UQCRFS1: variants seen among roughly 807,000 people sequenced by gnomAD.
UQCRFS1 encodes the protein cytochrome b-c1 complex subunit Rieske, mitochondrial.
A neutral mutation model predicts 15.6 loss-of-function variants in UQCRFS1; 6 were observed. The ratio of observed to expected loss-of-function variants is 0.38; its 90% CI spans 0.21 to 0.76. The LOEUF (loss-of-function observed/expected upper bound fraction) is 0.76. Among genes scored for constraint, UQCRFS1 ranks in the 30% least tolerant of loss-of-function variants. The probability of loss-of-function intolerance (pLI) is 0.44; values close to 1 mark genes in which losing one functional copy is unlikely to be tolerated. For missense variants in UQCRFS1, 203 were observed against 366.7 expected (o/e 0.55, Z 3.65); for synonymous variants, 105 against 154.3 (o/e 0.68, Z 2.37).
At chr19:29,210,282 T>C (rs1251044488) in intron 1 of UQCRFS1, among the ~76,000 whole-genome samples, 1 of 152,162 alleles carries the variant, frequency 6.6e-6, no homozygotes, top group Non-Finnish European at 1.5e-5. Context: ...CTGAAATGAT[T>C]ACAGAAAAGG....
intron 1 of UQCRFS1, among the ~76,000 whole-genome samples, chr19:29,211,156 C>T (rs1976641879): frequency 6.9e-6 from 1 of 145,440 alleles, no homozygotes; most frequent in Admixed American, 7.0e-5. Context: ...TATCCAGAAT[C>T]TACAATGAAC....
chr19:29,210,274 GA>G (rs1426605998), intron 1 of UQCRFS1, among the ~76,000 whole-genome samples: 1 of 152,108 alleles, frequency 6.6e-6, no homozygotes, highest in Non-Finnish European at 1.5e-5. Flanking sequence ...ATTACAGGCT[GA>G]AATGATTACA....
At position 29,213,086 on chromosome 19, in the gene UQCRFS1, G is replaced by A. The variant is rs1318154302; in HGVS notation, c.33C>T (p.Phe11=). 6.7e-7 allele frequency: 1 copy of A among 1,498,952 alleles called. No individual in the cohort carries two copies. The highest frequency in any genetic ancestry group is 8.8e-7 in the Non-Finnish European group (1 of 1,132,370). 92.9% of individuals were successfully genotyped at this position (1,498,952 alleles called of 1,614,324 possible). The change falls in exon 1 of 2, where the codon TTC becomes TTT. Residue 11 remains phenylalanine (F), a synonymous_variant. Transcript: ENST00000304863. ...GGGACGTGGCCGACAGGACGGGCGC[G>A]AACGGGCCTGAGCGGGATGCTACCG... MLSVASRSGP[F]APVLSATSRG...
At chr19:29,209,957 A>C (rs768051608) in intron 1 of UQCRFS1, among the ~76,000 whole-genome samples, 1 of 152,190 alleles carries the variant, frequency 6.6e-6, no homozygotes, top group African/African-American at 2.4e-5. Flanking sequence ...TCCTTTCGGA[A>C]ATTAAACTGC....
At chr19:29,211,636 G>A (rs189575262) in intron 1 of UQCRFS1, among the ~76,000 whole-genome samples, 4 of 152,346 alleles carry the variant, frequency 2.6e-5, no homozygotes, top group Admixed American at 2.0e-4. Context: ...TAAAGTGTAT[G>A]TGCTACAGAG....
intron 1 of UQCRFS1, among the ~76,000 whole-genome samples, chr19:29,211,992 C>G (rs905620363): frequency 3.3e-5 from 5 of 152,174 alleles, no homozygotes; most frequent in Non-Finnish European, 7.3e-5. Context: ...AACTAGATCC[C>G]AGTATTACCG....
At chr19:29,209,622 G>A (rs1395153011) in intron 1 of UQCRFS1, among the ~76,000 whole-genome samples, 2 of 152,144 alleles carry the variant, frequency 1.3e-5, no homozygotes, top group Admixed American at 1.3e-4. Context: ...TGGAGTCAAA[G>A]TGACATTACA....
intron 1 of UQCRFS1, 111 bp downstream of exon 1, chr19:29,212,794 C>G (rs8111250): frequency 0.22 from 264,848 of 1,186,990 alleles, 31,105 homozygotes; most frequent in South Asian, 0.34. Flanking sequence ...GCCGCCCAGC[C>G]CGACCTGATT....
rs1301771166 is a variant in UQCRFS1 at position 29,208,112 on chromosome 19, G to C, written c.261C>G (p.Asp87Glu). ...CYSHTDIKVPDFSEYRRLEVL... is the reference protein window; with the variant it reads ...CYSHTDIKVPEFSEYRRLEVL... ...CTTCAAGGCGGCGGTATTCAGAGAA[G>C]TCAGGCACCTTGATGTCTGTGTGGG... The change falls in exon 2 of 2, where the codon GAC becomes GAG. Residue 87 changes from aspartate (D) to glutamate (E), a missense_variant. By Grantham distance (45) the Asp-to-Glu change is conservative. This residue lies in a region of UQCRFS1 where 92 missense variants were observed against 120.5 expected (regional missense o/e 0.76). Coordinates refer to ENST00000304863, the MANE Select transcript of UQCRFS1 (RefSeq NM_006003.3). 1 of 1,613,938 alleles carries C rather than the reference G, an allele frequency of 6.2e-7. No individual in the cohort carries two copies. The highest frequency in any genetic ancestry group is 8.5e-7 in the Non-Finnish European group (1 of 1,179,970).
At chr19:29,209,518 C>A (rs1410099621) in intron 1 of UQCRFS1, among the ~76,000 whole-genome samples, 2 of 152,064 alleles carry the variant, frequency 1.3e-5, no homozygotes, top group East Asian at 3.9e-4. Flanking sequence ...TGAAACCTAC[C>A]AAAATCACTC....
At chr19:29,212,218 T>G (rs1344817577) in intron 1 of UQCRFS1, among the ~76,000 whole-genome samples, 8 of 152,070 alleles carry the variant, frequency 5.3e-5, no homozygotes, top group Non-Finnish European at 1.2e-4. Flanking sequence ...ATTCGTCTTG[T>G]CAAATCCCTG....
Position 29,207,319 on chromosome 19 carries a change from A to G in UQCRFS1, c.*229T>C. On this transcript the variant is annotated 3_prime_UTR_variant, in exon 2 of 2. Coordinates refer to ENST00000304863, the MANE Select transcript of UQCRFS1 (RefSeq NM_006003.3). ...ATTAGAATTAGCTAAAAGACATTGT[A>G]CCTTTCGCGTGTATGACTGAGCATA... 2.0e-6 allele frequency: 1 copy of G among 496,654 alleles called. No homozygotes were observed. Among genetic ancestry groups the G allele is most frequent in the Non-Finnish European group, 3.4e-6 (1 of 290,740 alleles). 30.8% of individuals were successfully genotyped at this position (496,654 alleles called of 1,614,324 possible).
rs1976599675 is a variant in UQCRFS1 at position 29,206,929 on chromosome 19, T to C, written c.*619A>G. ...ACACTCATAAGGGACTAATAAAATT[T>C]CCTGGCCTGTCACTTAAGGAGAAAA... On this transcript the variant is annotated 3_prime_UTR_variant, in exon 2 of 2. Transcript: ENST00000304863. 6.6e-6 allele frequency: 1 copy of C among 152,408 alleles called. No individual in the cohort carries two copies. Among genetic ancestry groups the C allele is most frequent in the African/African-American group, 2.4e-5 (1 of 41,468 alleles). 9.4% of individuals were successfully genotyped at this position (152,408 alleles called of 1,614,324 possible).
intron 1 of UQCRFS1, among the ~76,000 whole-genome samples, chr19:29,209,713 C>T (rs929684790): frequency 2.0e-5 from 3 of 152,102 alleles, no homozygotes; most frequent in African/African-American, 7.2e-5. Context: ...ATTACTTGCT[C>T]CTAGCACTAC....
In UQCRFS1 at chr19:29,207,852, A is replaced by G; in HGVS notation, c.521T>C (p.Leu174Pro). The G allele has an allele frequency of 2.5e-6, 4 of 1,614,000 alleles. No homozygotes were observed. The highest frequency in any genetic ancestry group is 3.4e-6 in the Non-Finnish European group (4 of 1,179,864). ...NMAFKWRGKP[L>P]FVRHRTQKEI... ...CTTCTGGGTTCTATGACGCACAAAC[A>G]GGGGTTTGCCTCTCCATTTGAAAGC... The change falls in exon 2 of 2, where the codon CTG (leucine) becomes CCG (proline). Residue 174 changes from leucine to proline, a missense_variant. By Grantham distance (98) the Leu-to-Pro change is moderately conservative (BLOSUM62 -3). Around this residue, in one of 3 missense-constraint regions of UQCRFS1, gnomAD observed 91 missense variants for 186.9 expected, o/e 0.49. Coordinates refer to ENST00000304863, the MANE Select transcript of UQCRFS1 (RefSeq NM_006003.3).
intron 1 of UQCRFS1, among the ~76,000 whole-genome samples, chr19:29,211,467 C>A (rs1976647407): frequency 6.6e-6 from 1 of 152,212 alleles, no homozygotes. Context: ...TCTTCAAAAC[C>A]CACTGATGCT....
At chr19:29,212,228 GCTA>G (rs1976661558) in intron 1 of UQCRFS1, among the ~76,000 whole-genome samples, 1 of 152,002 alleles carries the variant, frequency 6.6e-6, no homozygotes, top group Non-Finnish European at 1.5e-5. Flanking sequence ...TCAAATCCCT[GCTA>G]CCACATGTCC....
At position 29,208,646 on chromosome 19, in the gene UQCRFS1, T is replaced by C. The variant is rs116734876; in HGVS notation, c.215-488A>G. Among the ~76,000 whole-genome samples the C allele has an allele frequency of 9.8e-3, 1,494 of 152,288 alleles. 24 individuals carry two copies. The highest frequency in any genetic ancestry group is 0.034 in the African/African-American group (1,423 of 41,552). On this transcript the variant is annotated intron_variant, in intron 1 of 1. Coordinates refer to ENST00000304863, the MANE Select transcript of UQCRFS1 (RefSeq NM_006003.3). ...CGTGTGATCACCTTATTAAGGCAAA[T>C]GTCTGCCCCTTATAGTCCAATCTAT...
At position 29,207,765 on chromosome 19, in the gene UQCRFS1, T is replaced by C; in HGVS notation, c.608A>G (p.Asp203Gly). The change falls in exon 2 of 2, where the codon GAT (aspartate) becomes GGT (glycine). Residue 203 changes from aspartate (D) to glycine (G), a missense_variant. Asp to Gly is a moderately conservative substitution (Grantham distance 94). Around this residue, in one of 3 missense-constraint regions of UQCRFS1, gnomAD observed 91 missense variants for 186.9 expected, o/e 0.49. Transcript: ENST00000304863. ...AACCCATTCAGGTTTCTTTACTCGATCTAGATCATGCTGTGGGTCCCTCAA... is the reference window on the plus strand; with the variant it reads ...AACCCATTCAGGTTTCTTTACTCGACCTAGATCATGCTGTGGGTCCCTCAA... Reference protein sequence around the residue: ...SQLRDPQHDLDRVKKPEWVIL... With the variant: ...SQLRDPQHDLGRVKKPEWVIL... 1 of 1,614,000 alleles carries C rather than the reference T, an allele frequency of 6.2e-7. No individual in the cohort carries two copies.
Sources: gnomAD v4.1 joint callset for allele counts (sites outside exome capture counted in the v4.1 genomes callset) on GRCh38, gnomAD v4.1.1 for gene constraint, gnomAD v4.1.1 regional missense constraint, MANE v1.5 for transcripts, NCBI Gene and HGNC (gene_info 2026-07-23, HGNC 2026-07-21) for gene names.